RAB33A: variants seen among roughly 807,000 people sequenced by gnomAD.
The protein encoded by RAB33A is ras-related protein Rab-33A.
Under a neutral mutation model 12.0 loss-of-function variants are expected in RAB33A, and 6 were observed. The observed-to-expected ratio is 0.50, with a 90% CI of 0.27 to 0.99. The LOEUF is 0.99. RAB33A is among the 50% of genes least tolerant of loss of function. RAB33A has a pLI of 0.11. For synonymous variants in RAB33A, 70 were observed against 82.4 expected (o/e 0.85, Z 0.81); for missense variants, 109 against 192.0 (o/e 0.57, Z 2.55).
the RAB33A span, among the ~76,000 whole-genome samples, chrX:130,136,484 T>A: frequency 8.0e-5 from 9 of 111,985 alleles, no homozygotes; most frequent in African/African-American, 2.9e-4. Context: ...CTCTCATCAT[T>A]CTGTTTTAAT....
chrX:130,179,281 A>T (rs1379707020), intron 1 of RAB33A, among the ~76,000 whole-genome samples: 4 of 111,940 alleles, frequency 3.6e-5, no homozygotes, highest in Non-Finnish European at 7.5e-5. Context: ...CGGCATACGC[A>T]ATTATGAAGC....
chrX:130,127,443 T>G, the RAB33A span, among the ~76,000 whole-genome samples: 1 of 111,120 alleles, frequency 9.0e-6, no homozygotes, highest in African/African-American at 3.3e-5. Context: ...AGGCACCCAA[T>G]GAACACTGAT....
At chrX:130,120,671 G>A in the RAB33A span, among the ~76,000 whole-genome samples, 1 of 112,329 alleles carries the variant, frequency 8.9e-6, no homozygotes, top group Non-Finnish European at 1.9e-5. Context: ...GCTCGGCCGC[G>A]GGGCTGATCT....
At position 130,172,330 on chromosome X, in the gene RAB33A, G is replaced by T; in HGVS notation, c.258+10G>T. ...GGGCGAGAAGATCAAGGTGATCCAGGGGGTCAGGTCCAGGAAGGGTGGGAC... is the reference window on the plus strand; with the variant it reads ...GGGCGAGAAGATCAAGGTGATCCAGTGGGTCAGGTCCAGGAAGGGTGGGAC... On this transcript the variant is annotated intron_variant, in intron 1 of 1. Coordinates refer to ENST00000257017, the MANE Select transcript of RAB33A (RefSeq NM_004794.3). 5 of 1,194,283 alleles carry T rather than the reference G, an allele frequency of 4.2e-6. No homozygotes were observed. The highest frequency in any genetic ancestry group is 4.5e-6 in the Non-Finnish European group (4 of 885,805).
intron 1 of RAB33A, among the ~76,000 whole-genome samples, chrX:130,174,121 T>TC (rs2031639567): frequency 8.9e-6 from 1 of 112,021 alleles, no homozygotes; most frequent in Non-Finnish European, 1.9e-5. Context: ...ATTCCTTCTC[T>TC]TCTAACACCC....
At chrX:130,173,021 A>G (rs2031628295) in intron 1 of RAB33A, among the ~76,000 whole-genome samples, 1 of 111,276 alleles carries the variant, frequency 9.0e-6, no homozygotes, top group South Asian at 3.7e-4. Flanking sequence ...CTAATACATG[A>G]ACTGCTCCTT....
At chrX:130,142,643 GTTTTA>G in the RAB33A span, among the ~76,000 whole-genome samples, 2 of 111,133 alleles carry the variant, frequency 1.8e-5, no homozygotes, top group African/African-American at 6.5e-5. Context: ...AATGGTATCT[GTTTTA>G]TTTTATTAAT....
At chrX:130,138,728 T>C in the RAB33A span, 2 of 1,058,457 alleles carry the variant, frequency 1.9e-6, no homozygotes, top group Non-Finnish European at 2.6e-6. Flanking sequence ...GTTTAGTCCA[T>C]TAATTTCCAA....
chrX:130,115,949 G>A, the RAB33A span, among the ~76,000 whole-genome samples: 1 of 110,975 alleles, frequency 9.0e-6, no homozygotes. Context: ...GTATCCAAGT[G>A]GCACACAGAG....
At chrX:130,125,051 TTG>T in the RAB33A span, among the ~76,000 whole-genome samples, 1 of 111,481 alleles carries the variant, frequency 9.0e-6, no homozygotes, top group East Asian at 2.8e-4. Flanking sequence ...GGTCTTGTTT[TTG>T]TCTCAATCCA....
chrX:130,113,076 T>G, the RAB33A span, among the ~76,000 whole-genome samples: 2 of 68,642 alleles, frequency 2.9e-5, no homozygotes, highest in East Asian at 8.3e-4. Context: ...TTTTTTTCCT[T>G]CTTTTTTTTT....
upstream of RAB33A, among the ~76,000 whole-genome samples, chrX:130,167,616 G>T (rs528674234): frequency 8.9e-6 from 1 of 112,474 alleles, no homozygotes; most frequent in African/African-American, 3.2e-5. Flanking sequence ...CATGGCATGC[G>T]CCTGTAATCC....
Position 130,172,102 on chromosome X carries a change from G to A in RAB33A, c.40G>A (p.Ala14Thr). Residue 14 changes from alanine (A) to threonine (T), a missense_variant, in exon 1 of 2, where the codon GCC becomes ACC. Physicochemically the swap from Ala to Thr is moderately conservative, Grantham distance 58 (BLOSUM62 0). Coordinates refer to ENST00000257017, the MANE Select transcript of RAB33A (RefSeq NM_004794.3). ...CCTGGGCCATGGGAGCCTGCAGCCCGCCTCGGCCGCTGGCCTGGCGTCCCT... is the reference window on the plus strand; with the variant it reads ...CCTGGGCCATGGGAGCCTGCAGCCCACCTCGGCCGCTGGCCTGGCGTCCCT... Reference protein sequence around the residue: ...PILGHGSLQPASAAGLASLEL... With the variant: ...PILGHGSLQPTSAAGLASLEL... 2 of 1,211,388 alleles carry A rather than the reference G, an allele frequency of 1.7e-6. No individual in the cohort carries two copies. The highest frequency in any genetic ancestry group is 2.2e-6 in the Non-Finnish European group (2 of 895,177).
chrX:130,145,628 C>G, the RAB33A span: 2 of 923,803 alleles, frequency 2.2e-6, no homozygotes, highest in Non-Finnish European at 3.1e-6. Context: ...CAGCTTCCCC[C>G]GTAGCTTTAA....
chrX:130,157,785 T>A, the RAB33A span, among the ~76,000 whole-genome samples: 3 of 103,581 alleles, frequency 2.9e-5, no homozygotes, highest in African/African-American at 1.1e-4. Flanking sequence ...GCCAACATGG[T>A]GAAACCCCGT....
the RAB33A span, chrX:130,131,935 C>T: frequency 1.7e-5 from 13 of 760,995 alleles, no homozygotes; most frequent in African/African-American, 4.2e-5. Flanking sequence ...GCAATGGGTG[C>T]GAACTCAGTT....
At chrX:130,133,603 A>G in the RAB33A span, 1 of 759,288 alleles carries the variant, frequency 1.3e-6, no homozygotes, top group Non-Finnish European at 1.9e-6. Context: ...TACTTAAACT[A>G]ACAAAAACAG....
intron 1 of RAB33A, among the ~76,000 whole-genome samples, chrX:130,178,169 T>A (rs990033671): frequency 9.4e-6 from 1 of 106,593 alleles, no homozygotes; most frequent in Non-Finnish European, 1.9e-5. Flanking sequence ...AATATGAAAA[T>A]TAGTTGGGTG....
At chrX:130,171,852 T>TGGA (rs752770253), upstream of RAB33A, 4 of 411,834 alleles carry the variant, frequency 9.7e-6, no homozygotes, top group East Asian at 1.6e-4. Context: ...GAGGGTGCGC[T>TGGA]GGAGGAGGAG....
Sources: gnomAD v4.1 joint callset for allele counts (sites outside exome capture counted in the v4.1 genomes callset) on GRCh38, gnomAD v4.1.1 for gene constraint, MANE v1.5 for transcripts, NCBI Gene and HGNC (gene_info 2026-07-23, HGNC 2026-07-21) for gene names.